GPC6: variants seen among roughly 807,000 people sequenced by gnomAD.
The protein encoded by GPC6 is glypican 6.
In GPC6, 14 loss-of-function variants were observed where a neutral mutation model predicts 55.2. The ratio of observed to expected loss-of-function variants is 0.25; its 90% CI spans 0.17 to 0.40. The LOEUF is 0.40. Ranked by LOEUF, GPC6 falls within the 10% of genes least tolerant of loss-of-function variation. The probability of loss-of-function intolerance (pLI) is 1.00; values close to 1 mark genes in which losing one functional copy is unlikely to be tolerated. For missense variants in GPC6, 641 were observed against 708.5 expected (o/e 0.90, Z 1.08); for synonymous variants, 278 against 259.6 (o/e 1.07, Z -0.68).
At chr13:94,292,878 A>G (rs1178347720) in intron 5 of GPC6, among the ~76,000 whole-genome samples, 3 of 152,092 alleles carry the variant, frequency 2.0e-5, no homozygotes, top group Non-Finnish European at 2.9e-5. Flanking sequence ...TTTCTCTCCT[A>G]TTTGGCCCAC....
intron 3 of GPC6, among the ~76,000 whole-genome samples, chr13:93,957,092 G>T (rs898742281): frequency 3.9e-5 from 6 of 152,088 alleles, no homozygotes; most frequent in Non-Finnish European, 7.4e-5. Flanking sequence ...ATTGTAAATG[G>T]GATGAGAACA....
chr13:93,830,081 T>C, intron 2 of GPC6, 73 bp from the exon 3 acceptor site: 1 of 1,032,266 alleles, frequency 9.7e-7, no homozygotes, highest in Non-Finnish European at 1.5e-6. Flanking sequence ...AAAGCAGTTG[T>C]ACTTAAGGTA....
chr13:94,245,352 A>C (rs2139030904), intron 4 of GPC6, among the ~76,000 whole-genome samples: 1 of 151,866 alleles, frequency 6.6e-6, no homozygotes, highest in Non-Finnish European at 1.5e-5. Flanking sequence ...TGAGGTGAGG[A>C]GTTTGAGACC....
At position 93,231,170 on chromosome 13, in the gene GPC6, A is replaced by T. The variant is rs944172411; in HGVS notation, c.160+3554A>T. Among the ~76,000 whole-genome samples the T allele has an allele frequency of 4.6e-5, 7 of 151,484 alleles. No individual in the cohort carries two copies. The East Asian group carries it at 1.4e-3, about 29-fold the overall frequency. ...AATAAACTTACCTAAGGGTGACTCT[A>T]CTAGTAAGTAATGAGGCTGCAGTTC... is the stretch of plus-strand genomic sequence containing the variant. On this transcript the variant is annotated intron_variant, in intron 1 of 8. Transcript: ENST00000377047.
chr13:93,620,730 A>G (rs78453056), intron 2 of GPC6, among the ~76,000 whole-genome samples: 1 of 152,292 alleles, frequency 6.6e-6, no homozygotes, highest in African/African-American at 2.4e-5. Flanking sequence ...GATTGATTGC[A>G]CAAAGCAGAA....
At chr13:93,311,160 A>G (rs916858745) in intron 1 of GPC6, among the ~76,000 whole-genome samples, 2 of 152,102 alleles carry the variant, frequency 1.3e-5, no homozygotes, top group Admixed American at 1.3e-4. Context: ...GCCAGCTGGG[A>G]CTCACTATGC....
At chr13:93,581,600 G>C (rs61175813) in intron 2 of GPC6, among the ~76,000 whole-genome samples, 1 of 152,104 alleles carries the variant, frequency 6.6e-6, no homozygotes, top group Non-Finnish European at 1.5e-5. Flanking sequence ...TTAGCTACTC[G>C]GGAGGCTGAG....
intron 1 of GPC6, among the ~76,000 whole-genome samples, chr13:93,303,456 T>C (rs891361549): frequency 1.1e-4 from 16 of 152,156 alleles, no homozygotes; most frequent in African/African-American, 3.9e-4. Context: ...AGTGGTAATA[T>C]CTTTAAAAAT....
chr13:93,604,633 C>A (rs1417770910), intron 2 of GPC6, among the ~76,000 whole-genome samples: 1 of 151,676 alleles, frequency 6.6e-6, no homozygotes, highest in Non-Finnish European at 1.5e-5. Context: ...ATGGAAAAAT[C>A]GCAGTATAAG....
rs2139235037 is a variant in GPC6, at chr13:94,403,652, A to G, written c.*435A>G. ...TTTCAACAAAAAAGCAAACAGAGAA[A>G]AATAAATGAACTTTAACACTGTAAG... On this transcript the variant is annotated 3_prime_UTR_variant, in exon 9 of 9. Coordinates refer to ENST00000377047, the MANE Select transcript of GPC6 (RefSeq NM_005708.5). 4.2e-6 allele frequency: 1 copy of G among 235,908 alleles called. No homozygotes were observed. The highest frequency in any genetic ancestry group is 1.0e-4 in the East Asian group (1 of 9,656). 14.6% of individuals were successfully genotyped at this position (235,908 alleles called of 1,614,324 possible). A position where few individuals can be genotyped will look rare whatever the true frequency, so the allele number is the denominator to read the frequency against.
At chr13:94,035,322 G>C (rs200641596) in intron 4 of GPC6, among the ~76,000 whole-genome samples, 5 of 151,814 alleles carry the variant, frequency 3.3e-5, no homozygotes, top group Admixed American at 6.6e-5. Flanking sequence ...ATTCCAGAAG[G>C]CCAGAAACCC....
At chr13:94,236,502 G>A (rs535412046) in intron 4 of GPC6, among the ~76,000 whole-genome samples, 1 of 152,224 alleles carries the variant, frequency 6.6e-6, no homozygotes, top group African/African-American at 2.4e-5. Flanking sequence ...AGAACATGTA[G>A]AGACATCAAG....
chr13:93,473,173 A>T (rs1268659934), intron 1 of GPC6, among the ~76,000 whole-genome samples: 1 of 152,090 alleles, frequency 6.6e-6, no homozygotes, highest in Admixed American at 6.5e-5. Flanking sequence ...CTCACCAGGG[A>T]CCTGCCCCCT....
rs544581234 is a variant in GPC6, at chr13:94,386,253, G to A, written c.1289+3703G>A. Among the ~76,000 whole-genome samples the A allele has an allele frequency of 2.0e-3, 301 of 152,122 alleles. 1 individual carries two copies. The highest frequency in any genetic ancestry group is 6.6e-3 in the African/African-American group (275 of 41,508). On this transcript the variant is annotated intron_variant, in intron 7 of 8. Transcript: ENST00000377047. ...TGGGTGCCTGTAGTCCCAGCTACTC[G>A]GGAGGCTGAGGCAGGAGAATGGCAT...
intron 7 of GPC6, among the ~76,000 whole-genome samples, chr13:94,396,017 G>A (rs576936688): frequency 2.0e-4 from 30 of 152,304 alleles, no homozygotes; most frequent in East Asian, 1.2e-3. Context: ...ATCCTGCCCC[G>A]GTCCCCTCCC....
At chr13:94,120,102 T>C (rs1222318210) in intron 4 of GPC6, among the ~76,000 whole-genome samples, 1 of 152,120 alleles carries the variant, frequency 6.6e-6, no homozygotes, top group East Asian at 1.9e-4. Context: ...TAAGAATGGC[T>C]GCGTTTCTCA....
intron 1 of GPC6, among the ~76,000 whole-genome samples, chr13:93,468,716 C>T (rs910215675): frequency 1.3e-5 from 2 of 152,082 alleles, no homozygotes; most frequent in African/African-American, 4.8e-5. Flanking sequence ...GATAAACTAA[C>T]AGAAGAAGGA....
At chr13:94,303,217 C>A (rs1875754131) in intron 5 of GPC6, among the ~76,000 whole-genome samples, 1 of 152,174 alleles carries the variant, frequency 6.6e-6, no homozygotes, top group South Asian at 2.1e-4. Context: ...AGAGGGTAGC[C>A]CTTGCTGGCT....
intron 3 of GPC6, among the ~76,000 whole-genome samples, chr13:93,935,406 C>T (rs779716705): frequency 6.6e-6 from 1 of 152,152 alleles, no homozygotes; most frequent in Non-Finnish European, 1.5e-5. Flanking sequence ...TGGCCTTCAG[C>T]TCCATCAGTG....
Sources: allele counts gnomAD v4.1 joint callset (sites outside exome capture counted in the v4.1 genomes callset), GRCh38; gene constraint gnomAD v4.1.1; transcripts MANE v1.5; gene names NCBI Gene and HGNC (gene_info 2026-07-23, HGNC 2026-07-21).